The following GABRB1 variants were observed in gnomAD, a reference collection of about 807,000 sequenced individuals.
The protein encoded by GABRB1 is gamma-aminobutyric acid receptor subunit beta-1.
A neutral mutation model predicts 51.6 loss-of-function variants in GABRB1; 17 were observed. The observed-to-expected ratio is 0.33, with a 90% CI of 0.23 to 0.49. GABRB1 has a LOEUF of 0.49. Among genes scored for constraint, GABRB1 ranks in the 20% least tolerant of loss-of-function variants. GABRB1 has a pLI of 0.99. For missense variants in GABRB1, 410 were observed against 600.6 expected (o/e 0.68, Z 3.32); for synonymous variants, 247 against 218.9 (o/e 1.13, Z -1.14).
At chr4:47,085,904 C>T (rs950428975) in intron 3 of GABRB1, among the ~76,000 whole-genome samples, 13 of 152,178 alleles carry the variant, frequency 8.5e-5, no homozygotes, top group Non-Finnish European at 1.5e-4. Context: ...AGCTGCCAGG[C>T]CTCTGAAGGC....
At chr4:47,128,771 A>G (rs1479672454) in intron 3 of GABRB1, among the ~76,000 whole-genome samples, 3 of 152,034 alleles carry the variant, frequency 2.0e-5, no homozygotes, top group Non-Finnish European at 4.4e-5. Context: ...GTAGGTTTTT[A>G]TATCACTATG....
chr4:47,411,902 A>G (rs1178254344), intron 8 of GABRB1, among the ~76,000 whole-genome samples: 1 of 152,204 alleles, frequency 6.6e-6, no homozygotes, highest in Non-Finnish European at 1.5e-5. Flanking sequence ...ATAGAATTAA[A>G]ATTTTTATTA....
At chr4:47,087,374 C>T (rs976001245) in intron 3 of GABRB1, among the ~76,000 whole-genome samples, 2 of 151,672 alleles carry the variant, frequency 1.3e-5, no homozygotes, top group Non-Finnish European at 2.9e-5. Context: ...ATTATTGATA[C>T]AGTTTTCCAT....
intron 1 of GABRB1, among the ~76,000 whole-genome samples, chr4:47,014,060 T>G (rs1031089870): frequency 3.9e-5 from 6 of 152,186 alleles, no homozygotes; most frequent in Non-Finnish European, 7.4e-5. Flanking sequence ...TGAGTACATT[T>G]TTGTATATGC....
chr4:47,146,306 C>A (rs1053025315), intron 3 of GABRB1, among the ~76,000 whole-genome samples: 1 of 151,724 alleles, frequency 6.6e-6, no homozygotes, highest in Admixed American at 6.6e-5. Context: ...TTCTTTTTTT[C>A]CCCCTCTCTC....
At chr4:47,291,729 C>T (rs1723741605) in intron 4 of GABRB1, among the ~76,000 whole-genome samples, 1 of 152,134 alleles carries the variant, frequency 6.6e-6, no homozygotes, top group Non-Finnish European at 1.5e-5. Context: ...GACTTGAGTG[C>T]CTTGCTGGAT....
rs73136304 is a variant in GABRB1, at chr4:47,149,319, T to C, written c.241-11930T>C. Among the ~76,000 whole-genome samples the C allele has an allele frequency of 6.3e-3, 955 of 152,178 alleles. 10 individuals are homozygous for C. The highest frequency in any genetic ancestry group is 0.022 in the African/African-American group (910 of 41,546). On this transcript the variant is annotated intron_variant, in intron 3 of 8. Transcript: ENST00000295454. ...GTTCTGTAACATATTTTAGGCTACT[T>C]GATTTTTCTTATTTATTAAATTATA...
At chr4:47,139,312 A>G (rs1361196150) in intron 3 of GABRB1, among the ~76,000 whole-genome samples, 1 of 152,046 alleles carries the variant, frequency 6.6e-6, no homozygotes, top group East Asian at 1.9e-4. Flanking sequence ...CCTCCAGACA[A>G]CAGTTTGAAT....
chr4:47,401,833 T>A (rs1244919609), intron 5 of GABRB1, among the ~76,000 whole-genome samples: 1 of 36,344 alleles, frequency 2.8e-5, no homozygotes, highest in East Asian at 2.8e-4. Flanking sequence ...GCTATCTATC[T>A]ATCTATCATC....
chr4:47,123,569 ACATTATTTC>A (rs1715918335), intron 3 of GABRB1, among the ~76,000 whole-genome samples: 2 of 58,462 alleles, frequency 3.4e-5, no homozygotes, highest in East Asian at 6.8e-4. Flanking sequence ...ATAATATATT[ACATTATTTC>A]ATATATTATA....
rs191382279 is a variant in GABRB1 at position 47,070,550 on chromosome 4, T to A, written c.240+38066T>A. Among the ~76,000 whole-genome samples the A allele has an allele frequency of 1.7e-3, 266 of 152,222 alleles. 1 individual carries two copies. The highest frequency in any genetic ancestry group is 2.9e-3 in the Non-Finnish European group (195 of 68,002). On this transcript the variant is annotated intron_variant, in intron 3 of 8. Coordinates refer to ENST00000295454, the MANE Select transcript of GABRB1 (RefSeq NM_000812.4). ...TTTCACCATGTTGGCTAGGCTGTTC[T>A]CGAACTCCTGACCTCAGGTGATCCA...
chr4:47,287,729 C>T (rs1169391439), intron 4 of GABRB1, among the ~76,000 whole-genome samples: 5 of 152,170 alleles, frequency 3.3e-5, no homozygotes, highest in Non-Finnish European at 5.9e-5. Flanking sequence ...TTTTAAAAAG[C>T]CTGACTTCTA....
intron 4 of GABRB1, among the ~76,000 whole-genome samples, chr4:47,177,622 A>G (rs1190539635): frequency 6.6e-6 from 1 of 152,074 alleles, no homozygotes; most frequent in Non-Finnish European, 1.5e-5. Flanking sequence ...CTTCAGAGGT[A>G]GGTAACCTGG....
chr4:47,375,451 A>C (rs1481510291), intron 5 of GABRB1, among the ~76,000 whole-genome samples: 1 of 152,232 alleles, frequency 6.6e-6, no homozygotes, highest in Non-Finnish European at 1.5e-5. Flanking sequence ...GAGCTAGGTC[A>C]TGCTGCAGTC....
chr4:47,424,419 A>T (rs2110069662), intron 8 of GABRB1, among the ~76,000 whole-genome samples: 1 of 152,364 alleles, frequency 6.6e-6, no homozygotes, highest in Non-Finnish European at 1.5e-5. Flanking sequence ...ATGGGAACAC[A>T]ATAAATCTTA....
chr4:47,211,840 CA>C (rs1273012181), intron 4 of GABRB1, among the ~76,000 whole-genome samples: 1 of 152,158 alleles, frequency 6.6e-6, no homozygotes, highest in Non-Finnish European at 1.5e-5. Context: ...CACATCATAT[CA>C]CTTTTTCTCA....
At chr4:47,044,775 GT>G (rs1417013789) in intron 3 of GABRB1, among the ~76,000 whole-genome samples, 1 of 151,904 alleles carries the variant, frequency 6.6e-6, no homozygotes, top group Admixed American at 6.6e-5. Flanking sequence ...TGCTATTGGG[GT>G]TTTCATCATG....
At chr4:47,345,954 GCC>G (rs2109992265) in intron 5 of GABRB1, among the ~76,000 whole-genome samples, 1 of 151,758 alleles carries the variant, frequency 6.6e-6, no homozygotes, top group Non-Finnish European at 1.5e-5. Context: ...TTCCCACAAT[GCC>G]CCACATGAGG....
intron 3 of GABRB1, among the ~76,000 whole-genome samples, chr4:47,056,240 C>T (rs746266259): frequency 2.0e-5 from 3 of 152,188 alleles, no homozygotes; most frequent in Non-Finnish European, 4.4e-5. Flanking sequence ...TAATATGTCT[C>T]ATTTTTTTCT....
Sources: allele counts gnomAD v4.1 joint callset (sites outside exome capture counted in the v4.1 genomes callset), GRCh38; gene constraint gnomAD v4.1.1; transcripts MANE v1.5; gene names NCBI Gene and HGNC (gene_info 2026-07-23, HGNC 2026-07-21).